The following SHB variants were observed in gnomAD, a reference collection of about 807,000 sequenced individuals.
The protein encoded by SHB is SH2 domain-containing adapter protein B.
A neutral mutation model predicts 52.3 loss-of-function variants in SHB; 20 were observed. The ratio of observed to expected loss-of-function variants is 0.38; its 90% CI spans 0.27 to 0.56. The LOEUF (loss-of-function observed/expected upper bound fraction) is 0.56. Among genes scored for constraint, SHB ranks in the 20% least tolerant of loss-of-function variants. The probability of loss-of-function intolerance (pLI) is 0.71; values close to 1 mark genes in which losing one functional copy is unlikely to be tolerated. For synonymous variants in SHB, 397 were observed against 316.5 expected (o/e 1.25, Z -2.70); for missense variants, 825 against 723.3 (o/e 1.14, Z -1.61).
At chr9:37,993,001 T>C (rs1435778084) in intron 2 of SHB, among the ~76,000 whole-genome samples, 1 of 152,116 alleles carries the variant, frequency 6.6e-6, no homozygotes, top group Non-Finnish European at 1.5e-5. Context: ...TCCAAAGCAT[T>C]TCTTATCAGC....
chr9:38,050,683 T>C (rs996255937), intron 1 of SHB, among the ~76,000 whole-genome samples: 8 of 152,228 alleles, frequency 5.3e-5, no homozygotes, highest in African/African-American at 1.7e-4. Flanking sequence ...AAATTTACTT[T>C]CAGAGTAAGA....
Position 37,915,921 on chromosome 9 carries a change from TAA to T in SHB, c.*3898_*3899del, listed in dbSNP as rs945124475. Among the ~76,000 whole-genome samples, 80 of 152,252 alleles carry T rather than the reference TAA, an allele frequency of 5.3e-4. No individual in the cohort carries two copies. Among genetic ancestry groups the T allele is most frequent in the African/African-American group, 1.9e-3 (77 of 41,534 alleles). On this transcript the variant is annotated 3_prime_UTR_variant, in exon 6 of 6. Transcript: ENST00000377707. ...GGTAAACAAGACACTTGTAGTATAT[TAA>T]GAGCTTCACATTAAATATTCATCAT...
chr9:37,975,997 A>G (rs1820648635), intron 2 of SHB, among the ~76,000 whole-genome samples: 1 of 152,096 alleles, frequency 6.6e-6, no homozygotes, highest in Non-Finnish European at 1.5e-5. Flanking sequence ...TTTATTTTTT[A>G]TTGTGGTAAA....
intron 5 of SHB, among the ~76,000 whole-genome samples, chr9:37,926,774 A>G (rs1832255597): frequency 6.6e-6 from 1 of 152,354 alleles, no homozygotes; most frequent in South Asian, 2.1e-4. Flanking sequence ...AAATGCATGG[A>G]GAGCTGTAGC....
chr9:37,961,181 A>G (rs1269212186), intron 3 of SHB, among the ~76,000 whole-genome samples: 1 of 152,108 alleles, frequency 6.6e-6, no homozygotes, highest in Non-Finnish European at 1.5e-5. Flanking sequence ...CCCTCAGTAC[A>G]TCTCCTGTAG....
intron 1 of SHB, among the ~76,000 whole-genome samples, chr9:38,026,990 G>A (rs1821350401): frequency 1.3e-5 from 2 of 152,232 alleles, no homozygotes; most frequent in Non-Finnish European, 2.9e-5. Flanking sequence ...ACCTCCCCAA[G>A]GCAGGCTGGC....
In SHB at chr9:38,068,680, C is replaced by T; in HGVS notation, c.-35G>A. 3.9e-6 allele frequency: 5 copies of T among 1,269,014 alleles called. No individual in the cohort carries two copies. The highest frequency in any genetic ancestry group is 4.9e-6 in the Non-Finnish European group (5 of 1,012,134). 78.6% of individuals were successfully genotyped at this position (1,269,014 alleles called of 1,614,324 possible). A position where few individuals can be genotyped will look rare whatever the true frequency, so the allele number is the denominator to read the frequency against. On this transcript the variant is annotated 5_prime_UTR_variant, in exon 1 of 6. Coordinates refer to ENST00000377707, the MANE Select transcript of SHB (RefSeq NM_003028.3). ...CCGCCTAGGGCCGCGGCGCGGGAGCCCGGTCCGCCGCCGCGGCCATTCGGG... is the reference window on the plus strand; with the variant it reads ...CCGCCTAGGGCCGCGGCGCGGGAGCTCGGTCCGCCGCCGCGGCCATTCGGG...
intron 2 of SHB, among the ~76,000 whole-genome samples, chr9:37,996,976 C>G (rs1399741971): frequency 1.3e-5 from 2 of 152,158 alleles, no homozygotes. Flanking sequence ...TGTGTGTCTG[C>G]CTGGTGTCAG....
chr9:37,947,631 G>T (rs1280195337), intron 5 of SHB, among the ~76,000 whole-genome samples: 1 of 152,200 alleles, frequency 6.6e-6, no homozygotes, highest in African/African-American at 2.4e-5. Flanking sequence ...CAGAAGTTGT[G>T]GGGGGAGGGG....
chr9:37,983,637 G>A (rs556710405), intron 2 of SHB, among the ~76,000 whole-genome samples: 128 of 152,306 alleles, frequency 8.4e-4, no homozygotes, highest in Non-Finnish European at 1.7e-3. Flanking sequence ...GGGGTAGCAA[G>A]CTAGGTAGAG....
intron 1 of SHB, among the ~76,000 whole-genome samples, chr9:38,041,900 T>C (rs1821583834): frequency 6.6e-6 from 1 of 152,218 alleles, no homozygotes; most frequent in South Asian, 2.1e-4. Context: ...CTTTGGGCCT[T>C]AGTGGAAACA....
At position 37,917,035 on chromosome 9, in the gene SHB, A is replaced by G. The variant is rs529836079; in HGVS notation, c.*2786T>C. 6.1e-4 allele frequency among the ~76,000 whole-genome samples: 91 copies of G among 149,074 alleles called. No individual in the cohort carries two copies. The highest frequency in any genetic ancestry group is 1.0e-3 in the Non-Finnish European group (69 of 67,680). Reference sequence around the variant, plus strand: ...TTTTTCCCCAATTAATTGGCAGCAGATGAAAAAAAAAAAAAACAAACCCAA... The same window carrying G: ...TTTTTCCCCAATTAATTGGCAGCAGGTGAAAAAAAAAAAAAACAAACCCAA... On this transcript the variant is annotated 3_prime_UTR_variant, in exon 6 of 6. Coordinates refer to ENST00000377707, the MANE Select transcript of SHB (RefSeq NM_003028.3).
Position 37,978,054 on chromosome 9 carries a change from C to T in SHB, c.839-3217G>A, listed in dbSNP as rs1820675483. 1.3e-5 allele frequency among the ~76,000 whole-genome samples: 2 copies of T among 152,186 alleles called. 1 individual carries two copies. The highest frequency in any genetic ancestry group is 3.8e-4 in the East Asian group (2 of 5,200). On this transcript the variant is annotated intron_variant, in intron 2 of 5. Coordinates refer to ENST00000377707, the MANE Select transcript of SHB (RefSeq NM_003028.3). ...TGAAACAGAACTGACAGCCAGAAAC[C>T]ACTATTTACCCCCAAATTCCAGATA...
chr9:37,987,170 A>G lies in SHB; in HGVS notation c.839-12333T>C, dbSNP rs114852427. On this transcript the variant is annotated intron_variant, in intron 2 of 5. Coordinates refer to ENST00000377707, the MANE Select transcript of SHB (RefSeq NM_003028.3). ...GGCCCCTCCCCGCCTGACTGCTGCC[A>G]AGTCCACAGCTCAGACAAGCTCAGT... Among the ~76,000 whole-genome samples the G allele has an allele frequency of 6.1e-3, 924 of 152,356 alleles. 12 individuals carry two copies. The highest frequency in any genetic ancestry group is 0.021 in the African/African-American group (886 of 41,590).
chr9:37,915,952 A>G lies in SHB; in HGVS notation c.*3869T>C, dbSNP rs1484668358. ...CTTCACATTAAATATTCATCATTAT[A>G]CAGTGTGTCACATAGATTTGGAATG... On this transcript the variant is annotated 3_prime_UTR_variant, in exon 6 of 6. Coordinates refer to ENST00000377707, the MANE Select transcript of SHB (RefSeq NM_003028.3). 6.6e-6 allele frequency among the ~76,000 whole-genome samples: 1 copy of G among 152,260 alleles called. No individual in the cohort carries two copies. Among genetic ancestry groups the G allele is most frequent in the Non-Finnish European group, 1.5e-5 (1 of 68,048 alleles).
intron 2 of SHB, among the ~76,000 whole-genome samples, chr9:38,002,000 A>G (rs1821020106): frequency 6.6e-6 from 1 of 152,014 alleles, no homozygotes; most frequent in African/African-American, 2.4e-5. Flanking sequence ...ACTCTTTTTA[A>G]TGGAAGGGAG....
At chr9:38,062,468 C>A (rs79147712) in intron 1 of SHB, among the ~76,000 whole-genome samples, 22 of 152,198 alleles carry the variant, frequency 1.4e-4, no homozygotes, top group African/African-American at 5.1e-4. Context: ...AGAAGGGTCA[C>A]CATGCCAGTT....
chr9:38,058,501 T>C (rs889256028), intron 1 of SHB, among the ~76,000 whole-genome samples: 3 of 152,230 alleles, frequency 2.0e-5, no homozygotes, highest in Admixed American at 2.0e-4. Context: ...GTCAAAGCCC[T>C]GCTTTCAGTG....
At chr9:38,060,775 A>G (rs1408306805) in intron 1 of SHB, among the ~76,000 whole-genome samples, 9 of 152,248 alleles carry the variant, frequency 5.9e-5, no homozygotes, top group Admixed American at 3.9e-4. Flanking sequence ...TGCCCAGAAC[A>G]GTCTCTGTGC....
Sources: allele counts gnomAD v4.1 joint callset (sites outside exome capture counted in the v4.1 genomes callset), GRCh38; gene constraint gnomAD v4.1.1; transcripts MANE v1.5; gene names NCBI Gene and HGNC (gene_info 2026-07-23, HGNC 2026-07-21).